Variants in DSPP observed in about 807,000 individuals in gnomAD.
The protein encoded by DSPP is dentin sialophosphoprotein, also known as deafness, autosomal dominant 39.
DSPP carries 28 observed loss-of-function variants against 29.1 expected under a neutral mutation model. The ratio of observed to expected loss-of-function variants is 0.96; its 90% CI spans 0.71 to 1.32. The LOEUF is 1.32. Ranked by LOEUF, DSPP falls within the 40% of genes most tolerant of loss-of-function variation. The pLI is 0.00. For synonymous variants in DSPP, 481 were observed against 503.4 expected (o/e 0.96, Z 0.60); for missense variants, 1,281 against 1,629.9 (o/e 0.79, Z 3.69).
intron 2 of DSPP, among the ~76,000 whole-genome samples, 188 bp from the exon 3 acceptor site, chr4:87,611,917 C>G (rs1727740921): frequency 6.6e-6 from 1 of 152,182 alleles, no homozygotes; most frequent in African/African-American, 2.4e-5. Context: ...AAATTCTACA[C>G]AAGCCCTGTA....
chr4:87,612,810 T>C lies in DSPP; in HGVS notation c.624T>C (p.Gly208=), dbSNP rs763402419. Residue 208 remains glycine (G), a synonymous_variant, in exon 4 of 5, where the codon GGT becomes GGC. Transcript: ENST00000651931. ...TTGAGAATTCCTGTAGAAACGAGGG[T>C]AATACAAGTGAAATAACACCTCAGA... ...EIIENSCRNE[G]NTSEITPQIN... 8 of 1,613,934 alleles carry C rather than the reference T, an allele frequency of 5.0e-6. No individual in the cohort carries two copies. The highest frequency in any genetic ancestry group is 6.8e-6 in the Non-Finnish European group (8 of 1,179,970).
At position 87,613,855 on chromosome 4, in the gene DSPP, G is replaced by A; in HGVS notation, c.1193G>A (p.Gly398Asp). 6.2e-7 allele frequency: 1 copy of A among 1,614,170 alleles called. No individual in the cohort carries two copies. Among genetic ancestry groups the A allele is most frequent in the Non-Finnish European group, 8.5e-7 (1 of 1,180,036 alleles). Reference sequence around the variant, plus strand: ...AAAGAAGTTGGGAAAGGCAACGAAGGTAAAGAGGATAAAGGACAACATGGA... The same window carrying A: ...AAAGAAGTTGGGAAAGGCAACGAAGATAAAGAGGATAAAGGACAACATGGA... ...ITKEVGKGNE[G>D]KEDKGQHGMI... The change falls in exon 5 of 5, where the codon GGT becomes GAT. Residue 398 changes from glycine to aspartate, a missense_variant. Physicochemically the swap from Gly to Asp is moderately conservative, Grantham distance 94. Coordinates refer to ENST00000651931, the MANE Select transcript of DSPP (RefSeq NM_014208.3).
chr4:87,611,016 T>A, intron 2 of DSPP, 57 bp downstream of exon 2: 4 of 1,432,486 alleles, frequency 2.8e-6, no homozygotes, highest in Non-Finnish European at 3.9e-6. Flanking sequence ...TAACCTAACA[T>A]TAATACAAAA....
In DSPP at chr4:87,615,540, A is replaced by G. The variant is rs111216113; in HGVS notation, c.2878A>G (p.Ser960Gly). 827,102 of 1,545,456 alleles carry G rather than the reference A, an allele frequency of 0.54. 226,304 individuals carry two copies. Among genetic ancestry groups the G allele is most frequent in the East Asian group, 0.63 (25,524 of 40,606 alleles). ...SSNSSDSSNSSDSSNSSDSSD... is the reference protein window; with the variant it reads ...SSNSSDSSNSGDSSNSSDSSD... ...TAATAGTAGTGACAGCAGCAATAGC[A>G]GTGACAGCAGCAACAGCAGTGACAG... is the stretch of plus-strand genomic sequence containing the variant. Residue 960 changes from serine to glycine, a missense_variant, in exon 5 of 5, where the codon AGT becomes GGT. This residue lies in a region of DSPP where 444 missense variants were observed against 611.4 expected (regional missense o/e 0.73). Coordinates refer to ENST00000651931, the MANE Select transcript of DSPP (RefSeq NM_014208.3).
At position 87,614,890 on chromosome 4, in the gene DSPP, G is replaced by A. The variant is rs1446357441; in HGVS notation, c.2228G>A (p.Ser743Asn). The part of the protein sequence containing the change: ...DSSDSSNSSD[S>N]SDSSDSSNSS... Reference sequence around the variant, plus strand: ...AGTGACAGCAGCAACAGCAGTGACAGCAGTGATAGCAGTGACAGCAGCAAC... The same window carrying A: ...AGTGACAGCAGCAACAGCAGTGACAACAGTGATAGCAGTGACAGCAGCAAC... The change falls in exon 5 of 5, where the codon AGC becomes AAC. Residue 743 changes from serine to asparagine, a missense_variant. By Grantham distance (46) the Ser-to-Asn change is conservative (BLOSUM62 1). This residue lies in a region of DSPP where 444 missense variants were observed against 611.4 expected (regional missense o/e 0.73). Transcript: ENST00000651931. 1.3e-5 allele frequency: 20 copies of A among 1,549,406 alleles called. No homozygotes were observed. Among genetic ancestry groups the A allele is most frequent in the Non-Finnish European group, 1.7e-5 (20 of 1,145,472 alleles).
chr4:87,610,147 C>T (rs1270090809), intron 1 of DSPP, among the ~76,000 whole-genome samples: 1 of 152,098 alleles, frequency 6.6e-6, no homozygotes, highest in African/African-American at 2.4e-5. Context: ...ACATAAGTAA[C>T]TAGGCAATTT....
intron 1 of DSPP, among the ~76,000 whole-genome samples, chr4:87,610,057 T>A (rs1288767324): frequency 2.6e-5 from 4 of 152,200 alleles, no homozygotes; most frequent in Non-Finnish European, 5.9e-5. Context: ...AAAACGTTTT[T>A]TTCTGTGCTT....
chr4:87,614,071 A>C lies in DSPP; in HGVS notation c.1409A>C (p.Glu470Ala), dbSNP rs1344535108. 2 of 1,614,260 alleles carry C rather than the reference A, an allele frequency of 1.2e-6. No homozygotes were observed. The highest frequency in any genetic ancestry group is 8.5e-7 in the Non-Finnish European group (1 of 1,180,046). ...GGAGATGATCCCAATAGCAGTGATG[A>C]ATCTAATGGCAATGATGATGCTAAT... is the stretch of plus-strand genomic sequence containing the variant. ...MQGDDPNSSD[E>A]SNGNDDANSE... Residue 470 changes from glutamate to alanine, a missense_variant, in exon 5 of 5, where the codon GAA (glutamate) becomes GCA (alanine). Transcript: ENST00000651931.
Position 87,614,553 on chromosome 4 carries a change from A to G in DSPP, c.1891A>G (p.Ser631Gly). 1.9e-6 allele frequency: 3 copies of G among 1,551,544 alleles called. No homozygotes were observed. The highest frequency in any genetic ancestry group is 2.6e-6 in the Non-Finnish European group (3 of 1,146,894). ...DSKSDSSKSE[S>G]DSSDSDSKSD... ...CAAGTCAGACAGCAGCAAATCAGAG[A>G]GCGACAGCAGTGATAGTGACAGTAA... is the stretch of plus-strand genomic sequence containing the variant. The change falls in exon 5 of 5, where the codon AGC becomes GGC. Residue 631 changes from serine (S) to glycine (G), a missense_variant. By Grantham distance (56) the Ser-to-Gly change is moderately conservative. This residue lies in a region of DSPP where 444 missense variants were observed against 611.4 expected (regional missense o/e 0.73). Coordinates refer to ENST00000651931, the MANE Select transcript of DSPP (RefSeq NM_014208.3).
chr4:87,614,177 T>C lies in DSPP; in HGVS notation c.1515T>C (p.Ser505=). Residue 505 remains serine, a synonymous_variant, in exon 5 of 5, where the codon AGT becomes AGC. Coordinates refer to ENST00000651931, the MANE Select transcript of DSPP (RefSeq NM_014208.3). ...SDESKDNGNG[S]DSKGAEDDDS... is the part of the protein sequence containing the mutation. The stretch of plus-strand genomic sequence containing the variant: ...AATCAAAAGATAATGGCAATGGCAG[T>C]GACTCAAAAGGAGCAGAAGATGATG... The C allele has an allele frequency of 6.2e-7, 1 of 1,614,196 alleles. No individual in the cohort carries two copies. Among genetic ancestry groups the C allele is most frequent in the Non-Finnish European group, 8.5e-7 (1 of 1,180,036 alleles).
In DSPP at chr4:87,614,065, G is replaced by A. The variant is rs905515078; in HGVS notation, c.1403G>A (p.Ser468Asn). The A allele has an allele frequency of 2.5e-6, 4 of 1,614,110 alleles. No individual in the cohort carries two copies. The highest frequency in any genetic ancestry group is 3.4e-6 in the Non-Finnish European group (4 of 1,180,046). The change falls in exon 5 of 5, where the codon AGT becomes AAT. Residue 468 changes from serine to asparagine, a missense_variant. By Grantham distance (46) the Ser-to-Asn change is conservative. Around this residue, in one of 4 missense-constraint regions of DSPP, gnomAD observed 631 missense variants for 643.2 expected, o/e 0.98. Transcript: ENST00000651931. ...KSMQGDDPNS[S>N]DESNGNDDAN... is the part of the protein sequence containing the mutation. ...ATGCAAGGAGATGATCCCAATAGCA[G>A]TGATGAATCTAATGGCAATGATGAT...
chr4:87,609,023 C>T (rs1369150690), intron 1 of DSPP, among the ~76,000 whole-genome samples: 2 of 152,188 alleles, frequency 1.3e-5, no homozygotes, highest in African/African-American at 2.4e-5. Context: ...TATTGTCCCA[C>T]ATGAAATGAA....
rs929476836 is a variant in DSPP, at chr4:87,615,353, C to G, written c.2691C>G (p.Ser897Arg). 1.3e-6 allele frequency: 2 copies of G among 1,525,540 alleles called. No homozygotes were observed. Among genetic ancestry groups the G allele is most frequent in the African/African-American group, 2.8e-5 (2 of 71,796 alleles). The allele number at this position is 1,525,540 out of a possible 1,614,324, so 94.5% of individuals were successfully genotyped here. A position where few individuals can be genotyped will look rare whatever the true frequency, so the allele number is the denominator to read the frequency against. ...ESSNSSDSSD[S>R]SNSSDSDSSD... ...GCAATAGCAGTGACAGCAGTGATAGCAGCAACAGCAGTGATAGTGACAGCA... is the reference window on the plus strand; with the variant it reads ...GCAATAGCAGTGACAGCAGTGATAGGAGCAACAGCAGTGATAGTGACAGCA... The change falls in exon 5 of 5, where the codon AGC becomes AGG. Residue 897 changes from serine to arginine, a missense_variant. Transcript: ENST00000651931.
chr4:87,609,048 A>T (rs1389048905), intron 1 of DSPP, among the ~76,000 whole-genome samples: 7 of 152,256 alleles, frequency 4.6e-5, no homozygotes, highest in African/African-American at 1.7e-4. Flanking sequence ...AGCAATCACT[A>T]ATGATGCCAA....
intron 4 of DSPP, 57 bp downstream of exon 4, chr4:87,613,365 A>G: frequency 6.3e-7 from 1 of 1,578,646 alleles, no homozygotes; most frequent in Non-Finnish European, 8.7e-7. Flanking sequence ...CCCTCCATCT[A>G]TTGATGCTAG....
At position 87,612,409 on chromosome 4, in the gene DSPP, G is replaced by A. The variant is rs1560477581; in HGVS notation, c.223G>A (p.Gly75Ser). Residue 75 changes from glycine (G) to serine (S), a missense_variant, in exon 4 of 5, where the codon GGT (glycine) becomes AGT (serine). This residue lies in a region of DSPP where 631 missense variants were observed against 643.2 expected (regional missense o/e 0.98). Coordinates refer to ENST00000651931, the MANE Select transcript of DSPP (RefSeq NM_014208.3). ...AGGAAGGCAAGAGAATACCCAAGAT[G>A]GTCACAAGGGAGAAGGGAATGGCTC... ...DRGRQENTQD[G>S]HKGEGNGSKW... 2 of 1,614,002 alleles carry A rather than the reference G, an allele frequency of 1.2e-6. No homozygotes were observed. The highest frequency in any genetic ancestry group is 1.7e-6 in the Non-Finnish European group (2 of 1,179,974).
Position 87,614,756 on chromosome 4 carries a change from C to T in DSPP, c.2094C>T (p.Ser698=). The change falls in exon 5 of 5, where the codon AGC becomes AGT. Residue 698 remains serine, a synonymous_variant. Transcript: ENST00000651931. ...GTGACAGTAGTGACAGCAGCAATAG[C>T]AGTGAGAGCAGTGATAGTAGTGACA... ...DSSDSSDSSN[S]SESSDSSDSS... The T allele has an allele frequency of 6.5e-7, 1 of 1,548,754 alleles. No individual in the cohort carries two copies. The highest frequency in any genetic ancestry group is 1.2e-5 in the South Asian group (1 of 83,878).
intron 4 of DSPP, among the ~76,000 whole-genome samples, chr4:87,613,555 T>A (rs911886922): frequency 3.3e-5 from 5 of 152,198 alleles, no homozygotes; most frequent in Non-Finnish European, 7.3e-5. Context: ...CCCCATGTAA[T>A]TGTTTACAAA....
intron 2 of DSPP, 122 bp downstream of exon 2, chr4:87,611,081 A>G (rs879655163): frequency 3.2e-5 from 31 of 959,938 alleles, no homozygotes; most frequent in Non-Finnish European, 4.4e-5. Flanking sequence ...ATGTGTGTAT[A>G]TATGTGTGTG....
Sources: allele counts gnomAD v4.1 joint callset (sites outside exome capture counted in the v4.1 genomes callset), GRCh38; gene constraint gnomAD v4.1.1; regional missense constraint gnomAD v4.1.1; transcripts MANE v1.5; gene names NCBI Gene and HGNC (gene_info 2026-07-23, HGNC 2026-07-21).